ZBTB8A: variants seen among roughly 807,000 people sequenced by gnomAD.
ZBTB8A encodes zinc finger and BTB domain containing 8A.
Under a neutral mutation model 37.8 loss-of-function variants are expected in ZBTB8A, and 19 were observed. The ratio of observed to expected loss-of-function variants is 0.50; its 90% CI spans 0.35 to 0.74. ZBTB8A has a LOEUF of 0.74. ZBTB8A is among the 30% of genes least tolerant of loss of function. ZBTB8A has a pLI of 0.01. For synonymous variants in ZBTB8A, 181 were observed against 185.2 expected, an observed-to-expected ratio of 0.98 and a Z score of 0.19; for missense variants, 394 against 537.8, an observed-to-expected ratio of 0.73 and a Z score of 2.65.
chr1:32,600,725 G>A lies in ZBTB8A; in HGVS notation c.*306G>A. 4.5e-6 allele frequency: 1 copy of A among 222,244 alleles called. No homozygotes were observed. The highest frequency in any genetic ancestry group is 8.8e-6 in the Non-Finnish European group (1 of 113,082). The allele number at this position is 222,244 out of a possible 1,614,324, so 13.8% of individuals were successfully genotyped here. A position where few individuals can be genotyped will look rare whatever the true frequency, so the allele number is the denominator to read the frequency against. ...AGAGATACCTTTTTCTTTTAATATT[G>A]GAGGATCTACTTAGCAAACTTTTTT... On this transcript the variant is annotated 3_prime_UTR_variant, in exon 5 of 5. Coordinates refer to ENST00000373510, the MANE Select transcript of ZBTB8A (RefSeq NM_001040441.3).
At chr1:32,550,065 A>G (rs982095013) in intron 1 of ZBTB8A, among the ~76,000 whole-genome samples, 1 of 152,080 alleles carries the variant, frequency 6.6e-6, no homozygotes, top group African/African-American at 2.4e-5. Flanking sequence ...GAAGTTAGGA[A>G]AGGATGTTGA....
intron 1 of ZBTB8A, among the ~76,000 whole-genome samples, chr1:32,549,580 G>T (rs764205607): frequency 1.3e-5 from 2 of 152,000 alleles, no homozygotes; most frequent in Non-Finnish European, 2.9e-5. Context: ...TTTAAGGGTC[G>T]ACTAACTGCT....
intron 2 of ZBTB8A, among the ~76,000 whole-genome samples, chr1:32,582,728 C>T (rs911686216): frequency 3.3e-5 from 5 of 152,074 alleles, no homozygotes; most frequent in South Asian, 2.1e-4. Context: ...TGTCTTGTTC[C>T]GCACTTGTCT....
intron 2 of ZBTB8A, among the ~76,000 whole-genome samples, chr1:32,581,729 A>G (rs1165490986): frequency 6.6e-6 from 1 of 152,142 alleles, no homozygotes; most frequent in East Asian, 1.9e-4. Context: ...TGGGTAATTC[A>G]TAAAAGAAAG....
chr1:32,572,879 T>C (rs1557709561), intron 2 of ZBTB8A, among the ~76,000 whole-genome samples: 7 of 151,912 alleles, frequency 4.6e-5, no homozygotes. Flanking sequence ...TTTTTTTTTT[T>C]CTTGGTTGAT....
In ZBTB8A at chr1:32,543,542, C is replaced by T. The variant is rs149712782; in HGVS notation, c.-84+3970C>T. Among the ~76,000 whole-genome samples the T allele has an allele frequency of 7.4e-3, 1,127 of 152,254 alleles. 8 individuals are homozygous for T. The highest frequency in any genetic ancestry group is 0.012 in the Non-Finnish European group (815 of 68,024). On this transcript the variant is annotated intron_variant, in intron 1 of 4. Transcript: ENST00000373510. ...AACCCCATGCCTGTTAACAGTCACTCCTATTCCCATGTCTCCCTAGCTCCT... is the reference window on the plus strand; with the variant it reads ...AACCCCATGCCTGTTAACAGTCACTTCTATTCCCATGTCTCCCTAGCTCCT...
chr1:32,590,757 T>A (rs1644482070), intron 2 of ZBTB8A, among the ~76,000 whole-genome samples: 1 of 152,160 alleles, frequency 6.6e-6, no homozygotes, highest in Non-Finnish European at 1.5e-5. Context: ...TAAATGTTAC[T>A]TCTAAAGAGG....
At chr1:32,568,234 A>G (rs1479825219) in intron 2 of ZBTB8A, among the ~76,000 whole-genome samples, 2 of 152,168 alleles carry the variant, frequency 1.3e-5, no homozygotes, top group Non-Finnish European at 1.5e-5. Flanking sequence ...GTTCATATGT[A>G]ATAATCACCA....
intron 2 of ZBTB8A, among the ~76,000 whole-genome samples, chr1:32,592,409 G>A (rs987537096): frequency 6.6e-6 from 1 of 151,740 alleles, no homozygotes; most frequent in Non-Finnish European, 1.5e-5. Flanking sequence ...GCATGGTGGT[G>A]CACACCTGTA....
rs1381545660 is a variant in ZBTB8A, at chr1:32,602,703, C to A, written c.*2284C>A. 1 of 151,902 alleles carries A rather than the reference C, an allele frequency of 6.6e-6. No homozygotes were observed. The highest frequency in any genetic ancestry group is 2.4e-5 in the African/African-American group (1 of 41,358). 9.4% of individuals were successfully genotyped at this position (151,902 alleles called of 1,614,324 possible). On this transcript the variant is annotated 3_prime_UTR_variant, in exon 5 of 5. Transcript: ENST00000373510. ...GTAGCTGGGACTTACAGGCGCCCAC[C>A]ACCACTCCCAGCTAATTTTTTGTAT...
chr1:32,573,304 G>T lies in ZBTB8A; in HGVS notation c.-1-19627G>T, dbSNP rs184074382. ...TTGGTCAGGCTGGTCTCGAACTCCTGACCTCGTGATCTGCCCGCCTCGGCC... is the reference window on the plus strand; with the variant it reads ...TTGGTCAGGCTGGTCTCGAACTCCTTACCTCGTGATCTGCCCGCCTCGGCC... On this transcript the variant is annotated intron_variant, in intron 2 of 4. Coordinates refer to ENST00000373510, the MANE Select transcript of ZBTB8A (RefSeq NM_001040441.3). Among the ~76,000 whole-genome samples, 1,102 of 149,654 alleles carry T rather than the reference G, an allele frequency of 7.4e-3. 17 individuals carry two copies. The highest frequency in any genetic ancestry group is 0.025 in the African/African-American group (1,019 of 40,684).
chr1:32,566,996 A>G (rs1239308063), intron 2 of ZBTB8A, among the ~76,000 whole-genome samples: 1 of 152,160 alleles, frequency 6.6e-6, no homozygotes, highest in Non-Finnish European at 1.5e-5. Flanking sequence ...AACTTCATTT[A>G]TTTTTGTGAA....
At chr1:32,557,771 C>T (rs1210870388) in intron 2 of ZBTB8A, among the ~76,000 whole-genome samples, 2 of 152,124 alleles carry the variant, frequency 1.3e-5, no homozygotes, top group Non-Finnish European at 2.9e-5. Context: ...GTCCATTTTA[C>T]CAAACTCTTA....
chr1:32,559,785 G>T (rs1278390656), intron 2 of ZBTB8A, among the ~76,000 whole-genome samples: 1 of 152,132 alleles, frequency 6.6e-6, no homozygotes, highest in Non-Finnish European at 1.5e-5. Flanking sequence ...GTACTGAGAG[G>T]TGGGGCCATT....
intron 2 of ZBTB8A, among the ~76,000 whole-genome samples, chr1:32,577,136 A>G (rs1236648100): frequency 2.0e-5 from 3 of 151,788 alleles, no homozygotes; most frequent in Non-Finnish European, 4.4e-5. Context: ...GGCCTCCCAA[A>G]GTGCTGGGAT....
Position 32,567,820 on chromosome 1 carries a change from A to AAC in ZBTB8A, c.-2+14281_-2+14282insCA, listed in dbSNP as rs1557707709. Reference sequence around the variant, plus strand: ...AAAAAAAAAAAAAAAAAAAAAAAAAAAAACAAAAACAAAACAAAACAAAAA... The same window carrying AAC: ...AAAAAAAAAAAAAAAAAAAAAAAAAAACAAACAAAAACAAAACAAAACAAAAA... On this transcript the variant is annotated intron_variant, in intron 2 of 4. Coordinates refer to ENST00000373510, the MANE Select transcript of ZBTB8A (RefSeq NM_001040441.3). Among the ~76,000 whole-genome samples the AAC allele has an allele frequency of 3.2e-3, 115 of 36,182 alleles. 30 individuals are homozygous for AAC. Among genetic ancestry groups the AAC allele is most frequent in the South Asian group, 6.7e-3 (4 of 594 alleles). The allele number at this position is 36,182 out of a possible 152,430, so 23.7% of individuals were successfully genotyped here.
At chr1:32,568,876 C>T (rs1000872198) in intron 2 of ZBTB8A, among the ~76,000 whole-genome samples, 4 of 152,130 alleles carry the variant, frequency 2.6e-5, no homozygotes, top group African/African-American at 4.8e-5. Context: ...CACCAGCAGA[C>T]GCACATTTTA....
chr1:32,545,542 CTG>C (rs1306215976), intron 1 of ZBTB8A, among the ~76,000 whole-genome samples: 2 of 152,118 alleles, frequency 1.3e-5, no homozygotes, highest in Non-Finnish European at 2.9e-5. Flanking sequence ...ACCTATAATC[CTG>C]TGTTTCTTCT....
At chr1:32,577,507 A>G (rs1251320271) in intron 2 of ZBTB8A, among the ~76,000 whole-genome samples, 2 of 151,272 alleles carry the variant, frequency 1.3e-5, no homozygotes, top group African/African-American at 4.9e-5. Flanking sequence ...CATGTCTTCA[A>G]ATTCATGGAG....
Sources: gnomAD v4.1 joint callset for allele counts (sites outside exome capture counted in the v4.1 genomes callset) on GRCh38, gnomAD v4.1.1 for gene constraint, MANE v1.5 for transcripts, NCBI Gene and HGNC (gene_info 2026-07-23, HGNC 2026-07-21) for gene names.